The following B3GALNT2 variants were observed in gnomAD, a reference collection of about 807,000 sequenced individuals.
The protein encoded by B3GALNT2 is beta-1,3-N-acetylgalactosaminyltransferase 2.
Under a neutral mutation model 61.1 loss-of-function variants are expected in B3GALNT2, and 53 were observed. That is an observed-to-expected ratio of 0.87 (90% CI 0.70 to 1.09). The LOEUF (loss-of-function observed/expected upper bound fraction) is 1.09, where lower values mean the gene tolerates loss of function less well. B3GALNT2 is among the 50% of genes least tolerant of loss of function. B3GALNT2 has a pLI of 0.00. For synonymous variants in B3GALNT2, 223 were observed against 237.4 expected (o/e 0.94, Z 0.56); for missense variants, 544 against 623.0 (o/e 0.87, Z 1.35).
At chr1:235,485,275 C>T (rs1684748638) in intron 3 of B3GALNT2, among the ~76,000 whole-genome samples, 1 of 152,190 alleles carries the variant, frequency 6.6e-6, no homozygotes, top group African/African-American at 2.4e-5. Context: ...TTTCCACTCC[C>T]TCACAGCTGT....
chr1:235,456,646 G>C (rs183631050), intron 8 of B3GALNT2, among the ~76,000 whole-genome samples: 1 of 152,208 alleles, frequency 6.6e-6, no homozygotes, highest in African/African-American at 2.4e-5. Flanking sequence ...CTATGGGGAC[G>C]CAGGTCCCAG....
chr1:235,454,202 A>G lies in B3GALNT2; in HGVS notation c.1265T>C (p.Ile422Thr), dbSNP rs1558407971. ...CGSGYVISKDIVKWLASNSGR... is the reference protein window; with the variant it reads ...CGSGYVISKDTVKWLASNSGR... ...CGAGTTGCTTGCCAGCCACTTGACG[A>G]TGTCCTTGGAGATCACATATCCTGA... is the stretch of plus-strand genomic sequence containing the variant. The change falls in exon 10 of 12, where the codon ATC (isoleucine) becomes ACC (threonine). Residue 422 changes from isoleucine to threonine, a missense_variant. Coordinates refer to ENST00000366600, the MANE Select transcript of B3GALNT2 (RefSeq NM_152490.5). 1 of 1,612,974 alleles carries G rather than the reference A, an allele frequency of 6.2e-7. No individual in the cohort carries two copies. Among genetic ancestry groups the G allele is most frequent in the Non-Finnish European group, 8.5e-7 (1 of 1,179,502 alleles).
At chr1:235,498,843 CAAAAAAAAAAAAAAAAAAA>C (rs57291873) in intron 1 of B3GALNT2, among the ~76,000 whole-genome samples, 4 of 64,118 alleles carry the variant, frequency 6.2e-5, no homozygotes, top group Admixed American at 2.7e-4. Flanking sequence ...GACTCCTTCT[CAAAAAAAAAAAAAAAAAAA>C]AAAAAAAAAA....
At chr1:235,471,725 C>A (rs572535535) in intron 5 of B3GALNT2, among the ~76,000 whole-genome samples, 1 of 152,284 alleles carries the variant, frequency 6.6e-6, no homozygotes, top group Admixed American at 6.5e-5. Context: ...TGCAATGGTG[C>A]GATCATGGCT....
chr1:235,448,465 G>GTCAAAGTCAAGCTTAGTCCTCGTAT lies in B3GALNT2; in HGVS notation c.*1716_*1740dup, dbSNP rs771799309. The GTCAAAGTCAAGCTTAGTCCTCGTAT allele has an allele frequency of 3.7e-6, 6 of 1,606,266 alleles. No homozygotes were observed. The highest frequency in any genetic ancestry group is 5.1e-6 in the Non-Finnish European group (6 of 1,172,968). ...AGTAAGTTGCCCAGCAAAATACAAA[G>GTCAAAGTCAAGCTTAGTCCTCGTAT]TCAAAGTCAAGCTTAGTCCTCGTAT... On this transcript the variant is annotated 3_prime_UTR_variant, in exon 12 of 12. Transcript: ENST00000366600.
intron 6 of B3GALNT2, 123 bp downstream of exon 6, chr1:235,470,724 TATG>T (rs1683953943): frequency 5.1e-6 from 7 of 1,375,776 alleles, no homozygotes; most frequent in Non-Finnish European, 6.7e-6. Context: ...TGCTACTATA[TATG>T]TTGTAAAACA....
intron 1 of B3GALNT2, chr1:235,496,365 T>A: frequency 1.0e-6 from 1 of 968,004 alleles, no homozygotes; most frequent in Middle Eastern, 2.9e-4. Context: ...ATTATTTCAC[T>A]CTACAATGAG....
intron 3 of B3GALNT2, among the ~76,000 whole-genome samples, chr1:235,486,082 C>A (rs1329906277): frequency 1.1e-5 from 1 of 89,492 alleles, no homozygotes; most frequent in Non-Finnish European, 2.2e-5. Flanking sequence ...CAGAGCAAGA[C>A]CCTGTCTCAA....
Position 235,448,881 on chromosome 1 carries a change from A to T in B3GALNT2, c.*1325T>A. ...CAAAGGGGGTTTACAACTTGTCCTAAGTATAACAAGGGATGTATTTTTTGT... is the reference window on the plus strand; with the variant it reads ...CAAAGGGGGTTTACAACTTGTCCTATGTATAACAAGGGATGTATTTTTTGT... On this transcript the variant is annotated 3_prime_UTR_variant, in exon 12 of 12. Transcript: ENST00000366600. The T allele has an allele frequency of 1.3e-6, 1 of 776,062 alleles. No homozygotes were observed. Among genetic ancestry groups the T allele is most frequent in the Non-Finnish European group, 2.2e-6 (1 of 452,730 alleles). 48.1% of individuals were successfully genotyped at this position (776,062 alleles called of 1,614,324 possible).
At position 235,448,860 on chromosome 1, in the gene B3GALNT2, G is replaced by A. The variant is rs1027421692; in HGVS notation, c.*1346C>T. The A allele has an allele frequency of 2.1e-6, 2 of 942,266 alleles. No individual in the cohort carries two copies. Among genetic ancestry groups the A allele is most frequent in the Non-Finnish European group, 3.4e-6 (2 of 593,382 alleles). The allele number at this position is 942,266 out of a possible 1,614,324, so 58.4% of individuals were successfully genotyped here. On this transcript the variant is annotated 3_prime_UTR_variant, in exon 12 of 12. Transcript: ENST00000366600. Reference sequence around the variant, plus strand: ...GGAACAATTCTACTGTCAAAACAAAGGGGGTTTACAACTTGTCCTAAGTAT... The same window carrying A: ...GGAACAATTCTACTGTCAAAACAAAAGGGGTTTACAACTTGTCCTAAGTAT...
intron 11 of B3GALNT2, 54 bp downstream of exon 11, chr1:235,453,036 A>G: frequency 2.0e-6 from 3 of 1,467,960 alleles, no homozygotes; most frequent in Non-Finnish European, 2.8e-6. Context: ...ACCTGTATAT[A>G]GAAATCCACC....
chr1:235,442,400 C>A (rs1681953386), downstream of B3GALNT2, among the ~76,000 whole-genome samples: 1 of 152,174 alleles, frequency 6.6e-6, no homozygotes, highest in African/African-American at 2.4e-5. Flanking sequence ...AAACTCCTGA[C>A]CTCAGGAGAT....
intron 1 of B3GALNT2, among the ~76,000 whole-genome samples, chr1:235,497,420 T>C (rs1184427415): frequency 6.6e-6 from 1 of 152,230 alleles, no homozygotes; most frequent in East Asian, 1.9e-4. Flanking sequence ...ATTTTGGATA[T>C]TCTATTTCAT....
At position 235,496,192 on chromosome 1, in the gene B3GALNT2, T is replaced by C; in HGVS notation, c.113-1364A>G. The C allele has an allele frequency of 1.6e-5, 3 of 182,040 alleles. 1 individual carries two copies. The South Asian group carries it at 2.3e-4, about 14-fold the overall frequency. 11.3% of individuals were successfully genotyped at this position (182,040 alleles called of 1,614,324 possible). A position where few individuals can be genotyped will look rare whatever the true frequency, so the allele number is the denominator to read the frequency against. On this transcript the variant is annotated intron_variant, in intron 1 of 11. Transcript: ENST00000366600. ...CGGGTGTGGTGGTGCTTGCCTGTTA[T>C]CCCAGCTACTTGGGAGGCTGAGGCA...
the B3GALNT2 span, chr1:235,441,974 G>A: frequency 9.2e-7 from 1 of 1,089,948 alleles, no homozygotes; most frequent in African/African-American, 1.6e-5. Flanking sequence ...TACCTCTTAA[G>A]TACCTAAGTA....
rs898767900 is a variant in B3GALNT2, at chr1:235,447,224, A to T, written c.*2982T>A. Among the ~76,000 whole-genome samples, 1 of 152,222 alleles carries T rather than the reference A, an allele frequency of 6.6e-6. No homozygotes were observed. Among genetic ancestry groups the T allele is most frequent in the Non-Finnish European group, 1.5e-5 (1 of 68,036 alleles). ...TACAAAAAGGCCAGTTTTTATTCTA[A>T]AATAAAGAACATTTATTATCACAAG... On this transcript the variant is annotated 3_prime_UTR_variant, in exon 12 of 12. Transcript: ENST00000366600.
intron 5 of B3GALNT2, chr1:235,479,720 A>T (rs946424029): frequency 5.5e-6 from 1 of 182,566 alleles, no homozygotes; most frequent in Admixed American, 5.8e-5. Flanking sequence ...TTTTTACCCA[A>T]ATGGTATCTC....
intron 4 of B3GALNT2, among the ~76,000 whole-genome samples, chr1:235,481,654 T>A (rs1684569785): frequency 1.3e-5 from 2 of 152,196 alleles, no homozygotes; most frequent in African/African-American, 4.8e-5. Flanking sequence ...GATAGTTTTT[T>A]TTTTAAACTA....
chr1:235,502,048 TG>T (rs1572570714), intron 1 of B3GALNT2, among the ~76,000 whole-genome samples: 1 of 152,308 alleles, frequency 6.6e-6, no homozygotes, highest in East Asian at 1.9e-4. Flanking sequence ...CTTTCGCTCT[TG>T]TCACCCAGGC....
Sources: gnomAD v4.1 joint callset for allele counts (sites outside exome capture counted in the v4.1 genomes callset) on GRCh38, gnomAD v4.1.1 for gene constraint, MANE v1.5 for transcripts, NCBI Gene and HGNC (gene_info 2026-07-23, HGNC 2026-07-21) for gene names.